The following MARCHF1 variants were observed in gnomAD, a reference collection of about 807,000 sequenced individuals.
MARCHF1 encodes membrane associated ring-CH-type finger 1, also known as E3 ubiquitin-protein ligase MARCHF1.
A neutral mutation model predicts 54.2 loss-of-function variants in MARCHF1; 40 were observed. The ratio of observed to expected loss-of-function variants is 0.74; its 90% CI spans 0.57 to 0.96. The LOEUF (loss-of-function observed/expected upper bound fraction) is 0.96, where lower values mean the gene tolerates loss of function less well. Ranked by LOEUF, MARCHF1 falls within the 40% of genes least tolerant of loss-of-function variation. The probability of loss-of-function intolerance (pLI) is 0.00; values close to 1 mark genes in which losing one functional copy is unlikely to be tolerated. For synonymous variants in MARCHF1, 236 were observed against 236.3 expected, an observed-to-expected ratio of 1.00 and a Z score of 0.01; for missense variants, 586 against 656.5, an observed-to-expected ratio of 0.89 and a Z score of 1.17.
At chr4:163,699,887 G>A (rs1004473880) in intron 5 of MARCHF1, among the ~76,000 whole-genome samples, 2 of 151,384 alleles carry the variant, frequency 1.3e-5, no homozygotes, top group Non-Finnish European at 2.9e-5. Context: ...AAAATCTAGA[G>A]TATGTCTCTC....
rs1176377440 is a variant in MARCHF1, at chr4:164,383,905, C to CT, written c.-359dup. On this transcript the variant is annotated 5_prime_UTR_variant, in exon 1 of 10. It removes the in-frame stop codon of an upstream open reading frame in the 5' UTR. Transcript: ENST00000514618. ...TGAAGTAGCTCAGGCGGCCGCCAGG[C>CT]TGCGTGCGGCCGGCATCCCGGGGCG... 6.6e-6 allele frequency: 1 copy of CT among 152,396 alleles called. No individual in the cohort carries two copies. Among genetic ancestry groups the CT allele is most frequent in the Non-Finnish European group, 1.5e-5 (1 of 68,230 alleles). 9.4% of individuals were successfully genotyped at this position (152,396 alleles called of 1,614,324 possible).
At chr4:163,547,133 G>A (rs955644398) in intron 8 of MARCHF1, among the ~76,000 whole-genome samples, 16 of 152,108 alleles carry the variant, frequency 1.1e-4, no homozygotes, top group African/African-American at 3.4e-4. Flanking sequence ...ACAAGATGGC[G>A]TACATTGTGG....
intron 8 of MARCHF1, among the ~76,000 whole-genome samples, chr4:163,576,587 G>A (rs968819831): frequency 6.6e-6 from 1 of 151,978 alleles, no homozygotes; most frequent in African/African-American, 2.4e-5. Flanking sequence ...TGTAAGTCCA[G>A]AATTTGTTAA....
chr4:163,721,457 C>T (rs1354528586), intron 4 of MARCHF1, among the ~76,000 whole-genome samples: 35 of 150,176 alleles, frequency 2.3e-4, no homozygotes, highest in African/African-American at 7.0e-4. Context: ...ATTTTTGCAT[C>T]GATGTTCATC....
At chr4:164,053,869 G>A (rs184712310) in intron 2 of MARCHF1, among the ~76,000 whole-genome samples, 51 of 152,232 alleles carry the variant, frequency 3.4e-4, no homozygotes, top group African/African-American at 1.2e-3. Flanking sequence ...GCATGGGCAA[G>A]GACTTCATGT....
chr4:163,707,465 C>G (rs1579213214), intron 4 of MARCHF1, among the ~76,000 whole-genome samples: 1 of 152,028 alleles, frequency 6.6e-6, no homozygotes, highest in Middle Eastern at 3.4e-3. Context: ...TGGCAAGATG[C>G]TCAAAATCAC....
chr4:163,906,928 T>C (rs984012033), intron 3 of MARCHF1, among the ~76,000 whole-genome samples: 2 of 152,022 alleles, frequency 1.3e-5, no homozygotes, highest in African/African-American at 4.8e-5. Context: ...TTTTTATGAA[T>C]ATTTTTTGCA....
chr4:163,983,832 A>G (rs1170160126), intron 3 of MARCHF1, among the ~76,000 whole-genome samples: 1 of 152,156 alleles, frequency 6.6e-6, no homozygotes, highest in Non-Finnish European at 1.5e-5. Context: ...GAAAAGGTTA[A>G]GTTGTCTTAA....
chr4:164,151,357 C>A lies in MARCHF1; in HGVS notation c.-322-39695G>T, dbSNP rs1013762650. Among the ~76,000 whole-genome samples, 3 of 152,148 alleles carry A rather than the reference C, an allele frequency of 2.0e-5. No individual in the cohort carries two copies. The East Asian group carries it at 5.8e-4, about 29-fold the overall frequency. On this transcript the variant is annotated intron_variant, in intron 1 of 9. Coordinates refer to ENST00000514618, the MANE Select transcript of MARCHF1 (RefSeq NM_001394959.1). ...AAAATTACGGAAACTACCACCAGTG[C>A]CATCAGTTGAGTGGTGACAGGGGTG...
intron 2 of MARCHF1, among the ~76,000 whole-genome samples, chr4:164,046,958 A>G (rs991384547): frequency 6.6e-6 from 1 of 152,224 alleles, no homozygotes; most frequent in African/African-American, 2.4e-5. Context: ...AAAGAATGCT[A>G]GTGTTTAAAC....
intron 1 of MARCHF1, among the ~76,000 whole-genome samples, chr4:164,125,594 T>C (rs1756162373): frequency 6.6e-6 from 1 of 152,174 alleles, no homozygotes; most frequent in Non-Finnish European, 1.5e-5. Context: ...TGGTACAAAG[T>C]GTTCAACTCA....
rs185792119 is a variant in MARCHF1 at position 164,247,696 on chromosome 4, G to A, written c.-322-136034C>T. ...AATGGGAATGAAGGACAAGGGGAAT[G>A]AAATAGGGCAGCAGAGATATTATGT... On this transcript the variant is annotated intron_variant, in intron 1 of 9. Coordinates refer to ENST00000514618, the MANE Select transcript of MARCHF1 (RefSeq NM_001394959.1). Among the ~76,000 whole-genome samples the A allele has an allele frequency of 3.0e-3, 447 of 151,046 alleles. 3 individuals carry two copies. Among genetic ancestry groups the A allele is most frequent in the African/African-American group, 0.01 (425 of 41,100 alleles).
chr4:163,622,291 G>A (rs542570789), intron 5 of MARCHF1, among the ~76,000 whole-genome samples: 1 of 152,206 alleles, frequency 6.6e-6, no homozygotes, highest in South Asian at 2.1e-4. Flanking sequence ...CCAGCCAGGA[G>A]CACTGTAGCA....
Position 164,013,905 on chromosome 4 carries a change from C to T in MARCHF1, c.-247-25196G>A, listed in dbSNP as rs1753480832. On this transcript the variant is annotated intron_variant, in intron 2 of 9. Transcript: ENST00000514618. ...GGAGTCCGGGTGTGGTGGCTCACAC[C>T]TGTAATCCCAGCACTTTGGGAGGCC... is the stretch of plus-strand genomic sequence containing the variant. Among the ~76,000 whole-genome samples, 3 of 152,098 alleles carry T rather than the reference C, an allele frequency of 2.0e-5. No homozygotes were observed. In the South Asian group the frequency reaches 6.2e-4, roughly 32 times the overall value.
intron 1 of MARCHF1, among the ~76,000 whole-genome samples, chr4:164,305,826 T>C (rs957735228): frequency 6.6e-6 from 1 of 152,152 alleles, no homozygotes; most frequent in Admixed American, 6.5e-5. Flanking sequence ...TAGCTTGATT[T>C]GGTCATTACA....
chr4:164,361,578 T>G (rs1455332918), intron 1 of MARCHF1, among the ~76,000 whole-genome samples: 2 of 152,166 alleles, frequency 1.3e-5, no homozygotes, highest in African/African-American at 4.8e-5. Flanking sequence ...TTTGTATATA[T>G]TCATGCAACT....
intron 1 of MARCHF1, among the ~76,000 whole-genome samples, chr4:164,166,333 G>C (rs531121374): frequency 5.9e-5 from 9 of 152,052 alleles, no homozygotes; most frequent in African/African-American, 2.2e-4. Context: ...GAAGTGTGAA[G>C]CTAGTTAAAG....
intron 1 of MARCHF1, among the ~76,000 whole-genome samples, chr4:164,355,594 C>T (rs1191183441): frequency 4.3e-5 from 3 of 69,564 alleles, no homozygotes; most frequent in African/African-American, 1.4e-4. Flanking sequence ...CCCTTCCTTA[C>T]ACCTTATACA....
At chr4:164,227,225 A>T (rs1732283856) in intron 1 of MARCHF1, among the ~76,000 whole-genome samples, 1 of 152,130 alleles carries the variant, frequency 6.6e-6, no homozygotes. Flanking sequence ...ACCTCTTCAC[A>T]GGGCAGCAGG....
Sources: allele counts gnomAD v4.1 joint callset (sites outside exome capture counted in the v4.1 genomes callset), GRCh38; gene constraint gnomAD v4.1.1; transcripts MANE v1.5; gene names NCBI Gene and HGNC (gene_info 2026-07-23, HGNC 2026-07-21).